The following SLC24A2 variants were observed in gnomAD, a reference collection of about 807,000 sequenced individuals.
The protein encoded by SLC24A2 is solute carrier family 24 member 2, also known as sodium/potassium/calcium exchanger 2.
In SLC24A2, 36 loss-of-function variants were observed where a neutral mutation model predicts 62.0. The ratio of observed to expected loss-of-function variants is 0.58; its 90% CI spans 0.44 to 0.77. The LOEUF is 0.77. Among genes scored for constraint, SLC24A2 ranks in the 30% least tolerant of loss-of-function variants. SLC24A2 has a pLI of 0.00. For synonymous variants in SLC24A2, 358 were observed against 294.0 expected, an observed-to-expected ratio of 1.22 and a Z score of -2.23; for missense variants, 846 against 817.9, an observed-to-expected ratio of 1.03 and a Z score of -0.42.
At chr9:19,823,887 T>A in the SLC24A2 span, among the ~76,000 whole-genome samples, 2 of 152,284 alleles carry the variant, frequency 1.3e-5, no homozygotes, top group African/African-American at 4.8e-5. Context: ...AACCATCTGA[T>A]CTTTGACAAA....
chr9:20,148,216 T>C, the SLC24A2 span, among the ~76,000 whole-genome samples: 4 of 151,874 alleles, frequency 2.6e-5, no homozygotes, highest in African/African-American at 9.7e-5. Flanking sequence ...TGTAAATATA[T>C]ATCATATAAT....
At chr9:19,871,721 T>G in the SLC24A2 span, among the ~76,000 whole-genome samples, 5,076 of 152,292 alleles carry the variant, frequency 0.033, 304 homozygotes, top group African/African-American at 0.12. Flanking sequence ...GGTATTTTTA[T>G]TATTATTTAT....
the SLC24A2 span, among the ~76,000 whole-genome samples, chr9:20,302,459 A>T: frequency 6.6e-6 from 1 of 151,940 alleles, no homozygotes; most frequent in Non-Finnish European, 1.5e-5. Context: ...CATTGTTTTG[A>T]TTTGCATTTC....
At chr9:19,545,663 G>C (rs1350099295) in intron 8 of SLC24A2, among the ~76,000 whole-genome samples, 4 of 150,648 alleles carry the variant, frequency 2.7e-5, no homozygotes, top group South Asian at 2.1e-4. Flanking sequence ...TTTTGTGACA[G>C]AGTCTCATTC....
chr9:20,167,993 T>C, the SLC24A2 span, among the ~76,000 whole-genome samples: 1 of 152,000 alleles, frequency 6.6e-6, no homozygotes, highest in Non-Finnish European at 1.5e-5. Context: ...TGGCACTCTT[T>C]CCTTGTTTGA....
the SLC24A2 span, among the ~76,000 whole-genome samples, chr9:20,097,720 A>ATTTTTTTTTTTTTTTTTTTTT: frequency 2.9e-5 from 2 of 69,114 alleles, no homozygotes; most frequent in Non-Finnish European, 5.5e-5. Flanking sequence ...ATCTTAAATA[A>ATTTTTTTTTTTTTTTTTTTTT]TTTTTTTTTT....
the SLC24A2 span, among the ~76,000 whole-genome samples, chr9:19,912,732 G>A: frequency 6.6e-6 from 1 of 152,048 alleles, no homozygotes; most frequent in South Asian, 2.1e-4. Flanking sequence ...CTCCAGTGGT[G>A]GATACTATCC....
chr9:20,222,928 T>G, the SLC24A2 span, among the ~76,000 whole-genome samples: 3 of 151,620 alleles, frequency 2.0e-5, no homozygotes, highest in East Asian at 1.9e-4. Context: ...ACTTATTAAA[T>G]AAGAAGAAAA....
chr9:19,520,879 ACTACCT>A lies in SLC24A2; in HGVS notation c.1736+9_1736+14del. 6.2e-7 allele frequency: 1 copy of A among 1,613,030 alleles called. No individual in the cohort carries two copies. Among genetic ancestry groups the A allele is most frequent in the East Asian group, 2.2e-5 (1 of 44,842 alleles). On this transcript the variant is annotated intron_variant, in intron 10 of 10. Coordinates refer to ENST00000341998, the MANE Select transcript of SLC24A2 (RefSeq NM_020344.4). ...TGGAGCTGGTGCACACCTTTGTAGA[ACTACCT>A]CTACTCACCCTACAGTGATGTCAAA...
At chr9:19,563,296 A>C (rs747841700) in intron 7 of SLC24A2, among the ~76,000 whole-genome samples, 2 of 152,088 alleles carry the variant, frequency 1.3e-5, no homozygotes, top group Non-Finnish European at 2.9e-5. Context: ...TACTTCACTG[A>C]TGTTCCAGGA....
chr9:20,284,567 G>A, the SLC24A2 span, among the ~76,000 whole-genome samples: 7 of 152,116 alleles, frequency 4.6e-5, no homozygotes, highest in East Asian at 1.2e-3. Context: ...AATGACTAAA[G>A]ATTCAACATC....
chr9:19,839,859 C>T, the SLC24A2 span, among the ~76,000 whole-genome samples: 1 of 152,122 alleles, frequency 6.6e-6, no homozygotes, highest in East Asian at 1.9e-4. Flanking sequence ...ATTGTGTTAA[C>T]TGCCTACAGT....
the SLC24A2 span, among the ~76,000 whole-genome samples, chr9:20,259,794 A>G: frequency 6.6e-6 from 1 of 152,236 alleles, no homozygotes; most frequent in African/African-American, 2.4e-5. Context: ...AACAGTATTA[A>G]GAGGTAAGAC....
the SLC24A2 span, among the ~76,000 whole-genome samples, chr9:19,977,379 TGAGATA>T: frequency 4.6e-5 from 7 of 151,842 alleles, no homozygotes; most frequent in African/African-American, 1.5e-4. Context: ...TGGTGGGAGT[TGAGATA>T]GAGATAAAGG....
At chr9:19,789,894 C>A (rs1587331690), upstream of SLC24A2, among the ~76,000 whole-genome samples, 1 of 152,158 alleles carries the variant, frequency 6.6e-6, no homozygotes. Context: ...CTGTTCTCTC[C>A]CCCATCCAAG....
At chr9:19,631,582 G>C (rs1441110688) in intron 2 of SLC24A2, among the ~76,000 whole-genome samples, 1 of 152,146 alleles carries the variant, frequency 6.6e-6, no homozygotes, top group Non-Finnish European at 1.5e-5. Flanking sequence ...TTGCCCACCA[G>C]TGTGCTGCCA....
the SLC24A2 span, among the ~76,000 whole-genome samples, chr9:20,125,116 G>C: frequency 6.6e-6 from 1 of 152,152 alleles, no homozygotes; most frequent in Non-Finnish European, 1.5e-5. Context: ...CAGTTCATAA[G>C]AGTTCCTTTA....
intron 2 of SLC24A2, among the ~76,000 whole-genome samples, chr9:19,741,725 A>G (rs1388670976): frequency 3.3e-5 from 5 of 152,064 alleles, no homozygotes; most frequent in Admixed American, 3.3e-4. Context: ...GACTGACACA[A>G]CCTCCAAGAG....
the SLC24A2 span, among the ~76,000 whole-genome samples, chr9:19,824,323 A>T: frequency 1.3e-5 from 2 of 152,352 alleles, no homozygotes; most frequent in Admixed American, 1.3e-4. Context: ...AAACAAATTT[A>T]CAAGAAAAAA....
Sources: allele counts gnomAD v4.1 joint callset (sites outside exome capture counted in the v4.1 genomes callset), GRCh38; gene constraint gnomAD v4.1.1; transcripts MANE v1.5; gene names NCBI Gene and HGNC (gene_info 2026-07-23, HGNC 2026-07-21).